Variants in VIPAS39 observed in about 807,000 individuals in gnomAD.
VIPAS39 encodes spermatogenesis-defective protein 39 homolog.
Under a neutral mutation model 84.7 loss-of-function variants are expected in VIPAS39, and 63 were observed. The ratio of observed to expected loss-of-function variants is 0.74; its 90% CI spans 0.61 to 0.92. The LOEUF is 0.92. Among genes scored for constraint, VIPAS39 ranks in the 40% least tolerant of loss-of-function variants. The pLI is 0.00. For synonymous variants in VIPAS39, 192 were observed against 216.5 expected, an observed-to-expected ratio of 0.89 and a Z score of 0.99; for missense variants, 499 against 604.5, an observed-to-expected ratio of 0.83 and a Z score of 1.83.
rs963794422 is a variant in VIPAS39, at chr14:77,428,933, G to C, written c.1356+73C>G. ...TGGGAGCACCTCAGGATCTTGGACA[G>C]AGAATATTATAATCCCCACCCTGCT... On this transcript the variant is annotated intron_variant, in intron 18 of 19. Coordinates refer to ENST00000557658, the MANE Select transcript of VIPAS39 (RefSeq NM_001193315.2). 24 of 1,376,364 alleles carry C rather than the reference G, an allele frequency of 1.7e-5. No homozygotes were observed. The African/African-American group carries it at 2.9e-4, about 16-fold the overall frequency. The allele number at this position is 1,376,364 out of a possible 1,614,324, so 85.3% of individuals were successfully genotyped here. A position where few individuals can be genotyped will look rare whatever the true frequency, so the allele number is the denominator to read the frequency against.
At chr14:77,442,149 AC>A (rs2078713003) in intron 10 of VIPAS39, among the ~76,000 whole-genome samples, 1 of 152,218 alleles carries the variant, frequency 6.6e-6, no homozygotes. Context: ...GTAAGAAAAC[AC>A]TTAATAAATA....
In VIPAS39 at chr14:77,428,394, C is replaced by G. The variant is rs768277423; in HGVS notation, c.1437G>C (p.Lys479Asn). The G allele has an allele frequency of 1.9e-6, 3 of 1,613,980 alleles. No individual in the cohort carries two copies. In the East Asian group the frequency reaches 6.7e-5, roughly 36 times the overall value. ...KVDKGSAEEEKIDALLSSSQI... is the reference protein window; with the variant it reads ...KVDKGSAEEENIDALLSSSQI... ...CCGAGCTGCTGAGAAGAGCATCAAT[C>G]TTCTCCTCCTCTGCTGATCCTTTAT... The change falls in exon 19 of 20, where the codon AAG (lysine) becomes AAC (asparagine). Residue 479 changes from lysine to asparagine, a missense_variant. Lys to Asn is a moderately conservative substitution (Grantham distance 94, BLOSUM62 0). Transcript: ENST00000557658.
At chr14:77,437,906 G>C in intron 11 of VIPAS39, 25 bp from the exon 12 acceptor site, 2 of 1,612,082 alleles carry the variant, frequency 1.2e-6, no homozygotes, top group Non-Finnish European at 8.5e-7. Flanking sequence ...AAAAGGCTTT[G>C]AGGTATTTTG....
intron 12 of VIPAS39, among the ~76,000 whole-genome samples, chr14:77,437,002 CA>C (rs2139785271): frequency 6.6e-6 from 1 of 152,320 alleles, no homozygotes; most frequent in Non-Finnish European, 1.5e-5. Context: ...CTAGTTACTT[CA>C]CTATTTTAAC....
chr14:77,449,394 A>G, intron 5 of VIPAS39, 37 bp from the exon 6 acceptor site: 2 of 1,610,566 alleles, frequency 1.2e-6, no homozygotes, highest in Non-Finnish European at 1.7e-6. Flanking sequence ...GAAGGGCACC[A>G]TGAATCCTGC....
intron 1 of VIPAS39, chr14:77,457,096 G>A: frequency 7.1e-7 from 1 of 1,405,814 alleles, no homozygotes; most frequent in East Asian, 2.6e-5. Context: ...ACCACCTACT[G>A]AGAAGTCAGA....
Position 77,454,059 on chromosome 14 carries a change from G to GAGCTGTTCC in VIPAS39, c.35_43dup (p.Trp12_Ser14dup). On this transcript the variant is annotated inframe_insertion, in exon 2 of 20. Coordinates refer to ENST00000557658, the MANE Select transcript of VIPAS39 (RefSeq NM_001193315.2). ...GTCAAAGGTAAAAGCCTTGAACTTG[G>GAGCTGTTCC]AGCTGTTCCAATACTCCTCCTCATC... 6.2e-7 allele frequency: 1 copy of GAGCTGTTCC among 1,614,150 alleles called. No individual in the cohort carries two copies. The highest frequency in any genetic ancestry group is 8.5e-7 in the Non-Finnish European group (1 of 1,180,018).
chr14:77,450,616 T>A (rs1054988810), intron 4 of VIPAS39, among the ~76,000 whole-genome samples: 3 of 152,198 alleles, frequency 2.0e-5, no homozygotes, highest in Admixed American at 1.3e-4. Flanking sequence ...GTTCTAGCAA[T>A]CTGCCTCCCT....
At chr14:77,457,281 C>T in intron 1 of VIPAS39, 2 of 1,535,594 alleles carry the variant, frequency 1.3e-6, no homozygotes, top group Non-Finnish European at 1.7e-6. Context: ...TCGTTCTGAA[C>T]CAAATGTCCG....
rs894879169 is a variant in VIPAS39, at chr14:77,457,260, G to C, written c.-1+235C>G. 19 of 1,534,978 alleles carry C rather than the reference G, an allele frequency of 1.2e-5. No individual in the cohort carries two copies. In the African/African-American group the frequency reaches 2.6e-4, roughly 21 times the overall value. ...GTCAGAGCCCAGCGGATCCCTGGCA[G>C]AGTTAAATGCTCGTTCTGAACCAAA... On this transcript the variant is annotated intron_variant, in intron 1 of 19. Transcript: ENST00000557658.
At chr14:77,456,723 A>G (rs2078966470) in intron 1 of VIPAS39, among the ~76,000 whole-genome samples, 1 of 152,274 alleles carries the variant, frequency 6.6e-6, no homozygotes, top group African/African-American at 2.4e-5. Context: ...AATGTGTCTA[A>G]CAAACACAAT....
rs141455464 is a variant in VIPAS39, at chr14:77,431,085, A to C, written c.1180-1318T>G. ...CATAAGACCTGAAGCCATAAAACTC[A>C]TAGAAGAAAACATGGGAAAAAGCTC... On this transcript the variant is annotated intron_variant, in intron 16 of 19. Coordinates refer to ENST00000557658, the MANE Select transcript of VIPAS39 (RefSeq NM_001193315.2). Among the ~76,000 whole-genome samples the C allele has an allele frequency of 8.8e-3, 1,339 of 152,338 alleles. 19 individuals are homozygous for C. Among genetic ancestry groups the C allele is most frequent in the South Asian group, 0.037 (179 of 4,834 alleles).
intron 12 of VIPAS39, among the ~76,000 whole-genome samples, chr14:77,436,165 C>T (rs1205394036): frequency 6.6e-6 from 1 of 152,136 alleles, no homozygotes; most frequent in African/African-American, 2.4e-5. Flanking sequence ...CATAATTTTG[C>T]TGATAAATGA....
chr14:77,450,178 C>G (rs1476023971), intron 4 of VIPAS39, among the ~76,000 whole-genome samples: 1 of 152,208 alleles, frequency 6.6e-6, no homozygotes, highest in Non-Finnish European at 1.5e-5. Flanking sequence ...CTTCCTGTCT[C>G]TATGAATCTG....
intron 16 of VIPAS39, among the ~76,000 whole-genome samples, chr14:77,430,483 G>A (rs555135119): frequency 2.6e-5 from 4 of 152,252 alleles, no homozygotes; most frequent in East Asian, 1.9e-4. Flanking sequence ...TTTGGAGGCC[G>A]AGGTGGGCGG....
intron 1 of VIPAS39, 75 bp from the exon 2 acceptor site, chr14:77,454,177 G>T: frequency 7.4e-7 from 1 of 1,356,838 alleles, no homozygotes; most frequent in South Asian, 1.2e-5. Context: ...TTAGTTTCCT[G>T]CACCACTAAC....
Position 77,451,265 on chromosome 14 carries a change from T to A in VIPAS39, c.265A>T (p.Lys89Ter). ...TAGGAGGAGAAGCTGTTTCGGCTCT[T>A]TAGCTGTTCACGCCCCTCGTGGGTT... ...GSTHEGREQLKSRNSFSSYAQ... is the reference protein window; with the variant it reads ...GSTHEGREQL The change falls in exon 4 of 20, where the codon AAG becomes TAG. Residue 89 changes from lysine to a stop codon, truncating the protein, a stop_gained. Transcript: ENST00000557658. LOFTEE classifies it high-confidence loss of function. The A allele has an allele frequency of 1.9e-6, 3 of 1,614,218 alleles. No homozygotes were observed. Among genetic ancestry groups the A allele is most frequent in the Non-Finnish European group, 2.5e-6 (3 of 1,180,040 alleles).
chr14:77,447,493 G>C (rs548061821), intron 7 of VIPAS39, among the ~76,000 whole-genome samples: 1 of 151,962 alleles, frequency 6.6e-6, no homozygotes, highest in East Asian at 1.9e-4. Context: ...TTCAACAAAA[G>C]CATCAGCAGG....
At chr14:77,456,709 A>G (rs1307529909) in intron 1 of VIPAS39, among the ~76,000 whole-genome samples, 11 of 152,252 alleles carry the variant, frequency 7.2e-5, no homozygotes. Context: ...ACAGATAGAC[A>G]TAGAATGTGT....
Sources: allele counts gnomAD v4.1 joint callset (sites outside exome capture counted in the v4.1 genomes callset), GRCh38; gene constraint gnomAD v4.1.1; transcripts MANE v1.5; gene names NCBI Gene and HGNC (gene_info 2026-07-23, HGNC 2026-07-21).